Variants in PRKAR1A observed in about 807,000 individuals in gnomAD.
The protein encoded by PRKAR1A is cAMP-dependent protein kinase type I-alpha regulatory subunit.
A neutral mutation model predicts 52.0 loss-of-function variants in PRKAR1A; 3 were observed. The ratio of observed to expected loss-of-function variants is 0.06; its 90% CI spans 0.03 to 0.15. PRKAR1A has a LOEUF of 0.15. PRKAR1A is among the 10% of genes least tolerant of loss of function. The pLI, the probability that PRKAR1A is intolerant of heterozygous loss-of-function variation, is 1.00. For synonymous variants in PRKAR1A, 188 were observed against 168.4 expected, an observed-to-expected ratio of 1.12 and a Z score of -0.90; for missense variants, 240 against 477.4, an observed-to-expected ratio of 0.50 and a Z score of 4.63.
At chr17:68,521,270 C>T (rs143616186) in intron 2 of PRKAR1A, among the ~76,000 whole-genome samples, 4,540 of 152,214 alleles carry the variant, frequency 0.03, 209 homozygotes, top group African/African-American at 0.1. Flanking sequence ...CACTCTGTTG[C>T]CCAGGCCTGA....
chr17:68,434,480 C>T, the PRKAR1A span: 4 of 1,515,950 alleles, frequency 2.6e-6, no homozygotes, highest in Admixed American at 1.8e-5. Flanking sequence ...TCTCTGTCCT[C>T]TCCCTAGACA....
chr17:68,414,425 G>A, the PRKAR1A span, among the ~76,000 whole-genome samples: 42 of 152,280 alleles, frequency 2.8e-4, no homozygotes, highest in Non-Finnish European at 5.6e-4. Flanking sequence ...GTTGGATTCA[G>A]TTAGCTAGTA....
At chr17:68,470,857 T>C in the PRKAR1A span, among the ~76,000 whole-genome samples, 2 of 152,190 alleles carry the variant, frequency 1.3e-5, no homozygotes, top group African/African-American at 4.8e-5. Context: ...CAAAATAATG[T>C]ATGAAAGATT....
chr17:68,425,573 C>G, the PRKAR1A span, among the ~76,000 whole-genome samples: 5 of 152,000 alleles, frequency 3.3e-5, no homozygotes, highest in African/African-American at 1.2e-4. Flanking sequence ...GGTCTGCCGG[C>G]CAGAGCTGCA....
chr17:68,430,026 G>A, the PRKAR1A span: 8 of 1,614,210 alleles, frequency 5.0e-6, no homozygotes, highest in Non-Finnish European at 1.7e-6. Flanking sequence ...CCTCTGTCCG[G>A]AGAAGTTCAA....
At chr17:68,425,272 G>T in the PRKAR1A span, among the ~76,000 whole-genome samples, 117,005 of 152,142 alleles carry the variant, frequency 0.77, 45,069 homozygotes, top group African/African-American at 0.81. Context: ...GGCACAATCA[G>T]AGCTCACTGC....
At position 68,528,943 on chromosome 17, in the gene PRKAR1A, G is replaced by T; in HGVS notation, c.843G>T (p.Lys281Asn). 6.2e-7 allele frequency: 1 copy of T among 1,614,028 alleles called. No individual in the cohort carries two copies. Among genetic ancestry groups the T allele is most frequent in the Non-Finnish European group, 8.5e-7 (1 of 1,179,916 alleles). The change falls in exon 9 of 11, where the codon AAG (lysine) becomes AAT (asparagine). Residue 281 changes from lysine (K) to asparagine (N), a missense_variant. This residue lies in a region of PRKAR1A where 107 missense variants were observed against 290.9 expected (regional missense o/e 0.37). Coordinates refer to ENST00000589228, the MANE Select transcript of PRKAR1A (RefSeq NM_002734.5). Reference sequence around the variant, plus strand: ...CAGTGCAGTTTGAAGATGGGCAGAAGATTGTGGTGCAGGGAGAACCAGGGG... The same window carrying T: ...CAGTGCAGTTTGAAGATGGGCAGAATATTGTGGTGCAGGGAGAACCAGGGG... ...LEPVQFEDGQ[K>N]IVVQGEPGDE...
intron 2 of PRKAR1A, among the ~76,000 whole-genome samples, chr17:68,520,246 C>T (rs2143230451): frequency 6.6e-6 from 1 of 152,288 alleles, no homozygotes; most frequent in South Asian, 2.1e-4. Flanking sequence ...AGCCTTAAGT[C>T]AGTGGGGTGG....
the PRKAR1A span, among the ~76,000 whole-genome samples, chr17:68,473,359 T>G: frequency 1.3e-5 from 2 of 152,184 alleles, no homozygotes; most frequent in Non-Finnish European, 2.9e-5. Flanking sequence ...CTGTGCAACA[T>G]AGTGAGACCT....
At position 68,524,286 on chromosome 17, in the gene PRKAR1A, C is replaced by T. The variant is rs2907374; in HGVS notation, c.502+209C>T. Among the ~76,000 whole-genome samples the T allele has an allele frequency of 0.74, 111,976 of 151,950 alleles. 41,961 individuals carry two copies. The highest frequency in any genetic ancestry group is 0.9 in the East Asian group (4,655 of 5,190). On this transcript the variant is annotated intron_variant, in intron 5 of 10. Coordinates refer to ENST00000589228, the MANE Select transcript of PRKAR1A (RefSeq NM_002734.5). ...GTATTGGGAACTAATATTTTTGATA[C>T]AGTTTTGTTTATAATTTAAAGGAAA...
chr17:68,489,450 AT>A, the PRKAR1A span, among the ~76,000 whole-genome samples: 1 of 142,296 alleles, frequency 7.0e-6, no homozygotes, highest in Non-Finnish European at 1.5e-5. Flanking sequence ...GTATATATAT[AT>A]ATAAATGGAA....
chr17:68,547,225 C>G (rs998179111), intron 11 of PRKAR1A, among the ~76,000 whole-genome samples: 12 of 152,200 alleles, frequency 7.9e-5, no homozygotes, highest in Admixed American at 6.5e-5. Flanking sequence ...GCGACATTAT[C>G]ACCTAACAAG....
At chr17:68,434,698 G>T in the PRKAR1A span, 1 of 1,518,184 alleles carries the variant, frequency 6.6e-7, no homozygotes, top group Non-Finnish European at 9.0e-7. Context: ...TTAGAGAGGA[G>T]TTTGTTTTAT....
chr17:68,425,808 C>T, the PRKAR1A span: 8 of 388,360 alleles, frequency 2.1e-5, no homozygotes, highest in South Asian at 4.6e-5. Context: ...TCGCAGGCCT[C>T]TGGCTGGAGG....
chr17:68,437,489 G>T, the PRKAR1A span, among the ~76,000 whole-genome samples: 2 of 152,066 alleles, frequency 1.3e-5, no homozygotes, highest in African/African-American at 2.4e-5. Context: ...TGGAGGTGGA[G>T]GCTGCAGTGA....
the PRKAR1A span, among the ~76,000 whole-genome samples, chr17:68,476,764 G>A: frequency 6.6e-6 from 1 of 152,060 alleles, no homozygotes; most frequent in Non-Finnish European, 1.5e-5. Flanking sequence ...CTGGGTTCAA[G>A]CGATTCTCCT....
intron 9 of PRKAR1A, among the ~76,000 whole-genome samples, chr17:68,529,640 T>C (rs1488759251): frequency 6.6e-6 from 1 of 152,240 alleles, no homozygotes; most frequent in African/African-American, 2.4e-5. Flanking sequence ...TCAGTAAAGT[T>C]TGATTTGCGA....
chr17:68,481,071 T>C, the PRKAR1A span, among the ~76,000 whole-genome samples: 1 of 152,234 alleles, frequency 6.6e-6, no homozygotes, highest in Non-Finnish European at 1.5e-5. Context: ...CAGCTCACCC[T>C]CTTGTGGGTG....
the PRKAR1A span, among the ~76,000 whole-genome samples, chr17:68,483,205 G>T: frequency 6.6e-6 from 1 of 152,220 alleles, no homozygotes; most frequent in South Asian, 2.1e-4. Context: ...ACCGGGCCAG[G>T]CGCAGTGGCT....
Sources: gnomAD v4.1 joint callset for allele counts (sites outside exome capture counted in the v4.1 genomes callset) on GRCh38, gnomAD v4.1.1 for gene constraint, gnomAD v4.1.1 regional missense constraint, MANE v1.5 for transcripts, NCBI Gene and HGNC (gene_info 2026-07-23, HGNC 2026-07-21) for gene names.